PPP1R12B: variants seen among roughly 807,000 people sequenced by gnomAD.
PPP1R12B encodes the protein myosin phosphatase target subunit 2.
A neutral mutation model predicts 126.1 loss-of-function variants in PPP1R12B; 76 were observed. The observed-to-expected ratio is 0.60, with a 90% CI of 0.50 to 0.73. PPP1R12B has a LOEUF of 0.73. Among genes scored for constraint, PPP1R12B ranks in the 30% least tolerant of loss-of-function variants. The probability of loss-of-function intolerance (pLI) is 0.00; values close to 1 mark genes in which losing one functional copy is unlikely to be tolerated. For synonymous variants in PPP1R12B, 356 were observed against 434.7 expected, an observed-to-expected ratio of 0.82 and a Z score of 2.25; for missense variants, 1,052 against 1,205.1, an observed-to-expected ratio of 0.87 and a Z score of 1.88.
At chr1:202,484,453 G>GT (rs1477898176) in intron 13 of PPP1R12B, among the ~76,000 whole-genome samples, 3 of 152,280 alleles carry the variant, frequency 2.0e-5, no homozygotes, top group Non-Finnish European at 4.4e-5. Flanking sequence ...GCTACTAATT[G>GT]TAAGTGTCAC....
chr1:202,562,564 A>G, intron 19 of PPP1R12B: 1 of 722,076 alleles, frequency 1.4e-6, no homozygotes, highest in Non-Finnish European at 2.6e-6. Context: ...ATTCTTGGCA[A>G]ATGATGGTCA....
At chr1:202,451,990 A>C (rs983861000) in intron 13 of PPP1R12B, among the ~76,000 whole-genome samples, 1 of 142,652 alleles carries the variant, frequency 7.0e-6, no homozygotes, top group African/African-American at 2.7e-5. Context: ...CTTCTCAGAC[A>C]GGGCGGCCGG....
At chr1:202,531,037 T>C (rs927554304) in intron 18 of PPP1R12B, among the ~76,000 whole-genome samples, 2 of 152,236 alleles carry the variant, frequency 1.3e-5, no homozygotes, top group Non-Finnish European at 2.9e-5. Context: ...ATGTGAGTTA[T>C]CATTATTGAT....
intron 18 of PPP1R12B, among the ~76,000 whole-genome samples, chr1:202,499,330 C>A (rs1679937398): frequency 6.6e-6 from 1 of 152,156 alleles, no homozygotes. Context: ...TCATGGCTCA[C>A]TGCGGCCTCA....
chr1:202,385,397 A>G (rs1662958854), intron 1 of PPP1R12B, among the ~76,000 whole-genome samples: 1 of 152,226 alleles, frequency 6.6e-6, no homozygotes, highest in African/African-American at 2.4e-5. Context: ...TTAAAAAGAA[A>G]TATCTAAATT....
chr1:202,463,117 T>C, intron 13 of PPP1R12B: 8 of 947,030 alleles, frequency 8.4e-6, no homozygotes, highest in Non-Finnish European at 1.0e-5. Context: ...CTTTGTTTGA[T>C]AGCTTTAATG....
intron 15 of PPP1R12B, among the ~76,000 whole-genome samples, chr1:202,494,842 C>T (rs1306718741): frequency 6.6e-6 from 1 of 152,164 alleles, no homozygotes; most frequent in Non-Finnish European, 1.5e-5. Context: ...CGGTAGGATA[C>T]TCACATTTAT....
rs1572586375 is a variant in PPP1R12B at position 202,585,304 on chromosome 1, C to T, written c.*4744C>T. The T allele has an allele frequency of 6.6e-6, 1 of 152,338 alleles. No homozygotes were observed. The highest frequency in any genetic ancestry group is 2.4e-5 in the African/African-American group (1 of 41,582). 9.4% of individuals were successfully genotyped at this position (152,338 alleles called of 1,614,324 possible). On this transcript the variant is annotated 3_prime_UTR_variant, in exon 24 of 24. Coordinates refer to ENST00000608999, the MANE Select transcript of PPP1R12B (RefSeq NM_002481.4). ...AAGGGCCCACGCCCAGCCTACCATA[C>T]TGATTTTCAAGGCAGGGTCTAACCC...
intron 20 of PPP1R12B, among the ~76,000 whole-genome samples, chr1:202,564,063 A>C (rs1236575524): frequency 6.6e-6 from 1 of 152,200 alleles, no homozygotes; most frequent in Non-Finnish European, 1.5e-5. Context: ...CTGTCTCCAA[A>C]GGGAATAAAG....
rs568118894 is a variant in PPP1R12B, at chr1:202,439,590, C to G, written c.1459-1116C>G. ...CTGACCACCCAGGTGGCCGCCACCC[C>G]CTCTGTACACCATGGACCCTGCCCT... On this transcript the variant is annotated intron_variant, in intron 10 of 23. Transcript: ENST00000608999. 8.7e-6 allele frequency: 10 copies of G among 1,148,248 alleles called. No individual in the cohort carries two copies. The South Asian group carries it at 9.2e-5, about 11-fold the overall frequency. 71.1% of individuals were successfully genotyped at this position (1,148,248 alleles called of 1,614,324 possible).
intron 1 of PPP1R12B, among the ~76,000 whole-genome samples, chr1:202,406,943 T>A (rs1571865196): frequency 6.6e-6 from 1 of 152,224 alleles, no homozygotes; most frequent in Admixed American, 6.5e-5. Context: ...CATTTATTGT[T>A]CCTCAAAATT....
intron 13 of PPP1R12B, among the ~76,000 whole-genome samples, chr1:202,452,777 T>C (rs182367247): frequency 6.6e-6 from 1 of 152,174 alleles, no homozygotes; most frequent in South Asian, 2.1e-4. Context: ...ATTATCTATC[T>C]GCAAACTTCT....
chr1:202,364,678 G>A (rs905738123), intron 1 of PPP1R12B, among the ~76,000 whole-genome samples: 13 of 152,038 alleles, frequency 8.6e-5, no homozygotes, highest in South Asian at 6.2e-4. Flanking sequence ...CTGGGTTCAC[G>A]CCATTCTCCT....
chr1:202,525,146 T>C (rs373865278), intron 18 of PPP1R12B, among the ~76,000 whole-genome samples: 1 of 152,228 alleles, frequency 6.6e-6, no homozygotes, highest in East Asian at 1.9e-4. Flanking sequence ...CCCAAAGTGC[T>C]GGGATTACAG....
At chr1:202,541,769 A>G (rs572701738) in intron 18 of PPP1R12B, among the ~76,000 whole-genome samples, 4 of 152,232 alleles carry the variant, frequency 2.6e-5, no homozygotes, top group Middle Eastern at 3.4e-3. Context: ...TCTTAGAGTT[A>G]GGTACTGCTT....
chr1:202,446,416 G>T (rs1672303843), intron 12 of PPP1R12B, among the ~76,000 whole-genome samples: 2 of 148,050 alleles, frequency 1.4e-5, no homozygotes, highest in African/African-American at 4.9e-5. Flanking sequence ...ACCATACCCG[G>T]CTAATTTTTT....
At chr1:202,383,288 C>T (rs184896199) in intron 1 of PPP1R12B, among the ~76,000 whole-genome samples, 25 of 152,266 alleles carry the variant, frequency 1.6e-4, no homozygotes, top group African/African-American at 6.0e-4. Flanking sequence ...AGAGATAGAC[C>T]ATTAGCAATA....
At chr1:202,509,207 C>CCT (rs35789627) in intron 18 of PPP1R12B, among the ~76,000 whole-genome samples, 100,278 of 151,834 alleles carry the variant, frequency 0.66, 33,241 homozygotes, top group East Asian at 0.77. Flanking sequence ...TGCCAATTCC[C>CCT]GATTCTTTGT....
chr1:202,419,483 A>G lies in PPP1R12B; in HGVS notation c.422+2566A>G, dbSNP rs1470103924. On this transcript the variant is annotated intron_variant, in intron 2 of 23. Coordinates refer to ENST00000608999, the MANE Select transcript of PPP1R12B (RefSeq NM_002481.4). This position sits in a 1 kb window ranked among gnomAD's most constrained non-coding sequence, Gnocchi z 4.6. Reference sequence around the variant, plus strand: ...TGATATTTATTCTTGTCCAGGTAAAAGTAAAACTAAAGAGGTTTTTAACTT... The same window carrying G: ...TGATATTTATTCTTGTCCAGGTAAAGGTAAAACTAAAGAGGTTTTTAACTT... Among the ~76,000 whole-genome samples, 1 of 152,218 alleles carries G rather than the reference A, an allele frequency of 6.6e-6. No homozygotes were observed. Among genetic ancestry groups the G allele is most frequent in the African/African-American group, 2.4e-5 (1 of 41,462 alleles).
Sources: allele counts gnomAD v4.1 joint callset (sites outside exome capture counted in the v4.1 genomes callset), GRCh38; gene constraint gnomAD v4.1.1; non-coding constraint Gnocchi (gnomAD v3.1); transcripts MANE v1.5; gene names NCBI Gene and HGNC (gene_info 2026-07-23, HGNC 2026-07-21).